The following ARHGAP15 variants were observed in gnomAD, a reference collection of about 807,000 sequenced individuals.
ARHGAP15 encodes the protein Rho GTPase activating protein 15.
Under a neutral mutation model 63.7 loss-of-function variants are expected in ARHGAP15, and 51 were observed. The observed-to-expected ratio is 0.80, with a 90% CI of 0.64 to 1.01. The LOEUF is 1.01. Ranked by LOEUF, ARHGAP15 falls within the 50% of genes least tolerant of loss-of-function variation. ARHGAP15 has a pLI of 0.00. For missense variants in ARHGAP15, 560 were observed against 564.6 expected, an observed-to-expected ratio of 0.99 and a Z score of 0.08; for synonymous variants, 191 against 193.8, an observed-to-expected ratio of 0.99 and a Z score of 0.12.
chr2:143,615,813 A>C (rs951827139), intron 11 of ARHGAP15, among the ~76,000 whole-genome samples: 1 of 152,162 alleles, frequency 6.6e-6, no homozygotes. Context: ...TCCCCTTTGG[A>C]GTACGTAATG....
chr2:143,224,663 G>A (rs1239354182), intron 4 of ARHGAP15, among the ~76,000 whole-genome samples: 1 of 152,136 alleles, frequency 6.6e-6, no homozygotes, highest in Non-Finnish European at 1.5e-5. Context: ...TTGAATAAGG[G>A]TCATATATAG....
At chr2:143,141,395 C>G (rs1200739177) in intron 1 of ARHGAP15, among the ~76,000 whole-genome samples, 1 of 152,066 alleles carries the variant, frequency 6.6e-6, no homozygotes. Flanking sequence ...AAGTACAATA[C>G]AGAGCAACAA....
intron 12 of ARHGAP15, among the ~76,000 whole-genome samples, chr2:143,692,689 G>A (rs936745948): frequency 5.3e-5 from 8 of 152,172 alleles, no homozygotes; most frequent in African/African-American, 1.9e-4. Context: ...TTAGAAGACT[G>A]CACCAAATTG....
chr2:143,271,047 A>G (rs1681253215), intron 6 of ARHGAP15, among the ~76,000 whole-genome samples: 1 of 152,112 alleles, frequency 6.6e-6, no homozygotes, highest in Non-Finnish European at 1.5e-5. Context: ...TACCATTTCT[A>G]TCTCAAAATT....
At position 143,388,563 on chromosome 2, in the gene ARHGAP15, T is replaced by C. The variant is rs555471332; in HGVS notation, c.475-47038T>C. On this transcript the variant is annotated intron_variant, in intron 6 of 13. Transcript: ENST00000295095. ...ATAAGAGTGTTGCCAACTAAATATG[T>C]ATTTGCTCTAAACTTAATAGGCTTA... is the stretch of plus-strand genomic sequence containing the variant. Among the ~76,000 whole-genome samples the C allele has an allele frequency of 6.6e-4, 101 of 152,260 alleles. 1 individual carries two copies. The highest frequency in any genetic ancestry group is 2.4e-3 in the African/African-American group (98 of 41,554).
intron 10 of ARHGAP15, among the ~76,000 whole-genome samples, chr2:143,547,985 C>T (rs1273058039): frequency 3.3e-5 from 5 of 151,960 alleles, no homozygotes; most frequent in Non-Finnish European, 5.9e-5. Context: ...AATGTAGAAC[C>T]ACTAAGAAAA....
chr2:143,663,862 C>A (rs968872404), intron 12 of ARHGAP15, among the ~76,000 whole-genome samples: 23 of 152,188 alleles, frequency 1.5e-4, no homozygotes, highest in Non-Finnish European at 5.9e-5. Context: ...ACAAGAAGAA[C>A]TAACCTAAAT....
chr2:143,622,802 AAAAAAG>A (rs75340288), intron 11 of ARHGAP15, among the ~76,000 whole-genome samples: 2 of 151,440 alleles, frequency 1.3e-5, no homozygotes, highest in Admixed American at 1.3e-4. Context: ...AAAAAAAAAA[AAAAAAG>A]AACTGCTGAA....
At chr2:143,153,845 C>CTT (rs1387478709) in intron 1 of ARHGAP15, among the ~76,000 whole-genome samples, 30 of 66,370 alleles carry the variant, frequency 4.5e-4, no homozygotes, top group African/African-American at 7.3e-4. Context: ...TCTTCTTCTT[C>CTT]CTCCTCCTCC....
At chr2:143,130,606 T>C (rs1351268153) in intron 1 of ARHGAP15, among the ~76,000 whole-genome samples, 1 of 152,120 alleles carries the variant, frequency 6.6e-6, no homozygotes, top group East Asian at 1.9e-4. Flanking sequence ...ACATGGTCAA[T>C]TTAGTAGGAA....
chr2:143,241,533 G>A (rs925205776), intron 5 of ARHGAP15, among the ~76,000 whole-genome samples: 1 of 152,174 alleles, frequency 6.6e-6, no homozygotes, highest in Non-Finnish European at 1.5e-5. Flanking sequence ...GGAGAATGTG[G>A]GAAAGATCTG....
chr2:143,364,550 T>C (rs955811224), intron 6 of ARHGAP15, among the ~76,000 whole-genome samples: 18 of 152,206 alleles, frequency 1.2e-4, no homozygotes, highest in African/African-American at 3.6e-4. Flanking sequence ...AAGTACCAAG[T>C]AAATGCTGGG....
At chr2:143,583,388 C>T (rs189201701) in intron 11 of ARHGAP15, among the ~76,000 whole-genome samples, 22 of 152,252 alleles carry the variant, frequency 1.4e-4, no homozygotes, top group Admixed American at 6.5e-4. Context: ...CAGAGGACAA[C>T]AGCAGTTTTA....
At chr2:143,592,204 T>A (rs534581310) in intron 11 of ARHGAP15, among the ~76,000 whole-genome samples, 90 of 152,296 alleles carry the variant, frequency 5.9e-4, no homozygotes, top group African/African-American at 2.0e-3. Context: ...GTGTCTTTAT[T>A]TTGTTCAGAT....
At chr2:143,274,333 C>T (rs1459309219) in intron 6 of ARHGAP15, among the ~76,000 whole-genome samples, 8 of 152,008 alleles carry the variant, frequency 5.3e-5, no homozygotes, top group Non-Finnish European at 1.2e-4. Flanking sequence ...ATCCAAAGCT[C>T]TTCATTAATT....
At chr2:143,336,787 T>C (rs1441477936) in intron 6 of ARHGAP15, among the ~76,000 whole-genome samples, 1 of 152,172 alleles carries the variant, frequency 6.6e-6, no homozygotes, top group Non-Finnish European at 1.5e-5. Context: ...TGGACTATTT[T>C]GTGTTTGAAG....
intron 10 of ARHGAP15, among the ~76,000 whole-genome samples, chr2:143,537,239 T>C (rs527934647): frequency 1.3e-5 from 2 of 152,316 alleles, no homozygotes; most frequent in East Asian, 3.9e-4. Flanking sequence ...GTTTTTTTCT[T>C]GTAAATTTCT....
At chr2:143,300,129 G>GT (rs1350979080) in intron 6 of ARHGAP15, among the ~76,000 whole-genome samples, 1 of 152,020 alleles carries the variant, frequency 6.6e-6, no homozygotes. Context: ...GGGGCATAAA[G>GT]TCTGGGAACG....
intron 6 of ARHGAP15, among the ~76,000 whole-genome samples, chr2:143,315,514 T>C (rs954194251): frequency 4.6e-5 from 7 of 151,918 alleles, no homozygotes; most frequent in Admixed American, 6.6e-5. Flanking sequence ...ACCAGAATAC[T>C]AACTGTATTG....
Sources: gnomAD v4.1 joint callset for allele counts (sites outside exome capture counted in the v4.1 genomes callset) on GRCh38, gnomAD v4.1.1 for gene constraint, MANE v1.5 for transcripts, NCBI Gene and HGNC (gene_info 2026-07-23, HGNC 2026-07-21) for gene names.